TMEM150C: variants seen among roughly 807,000 people sequenced by gnomAD.
TMEM150C encodes transmembrane protein 150C.
A neutral mutation model predicts 29.9 loss-of-function variants in TMEM150C; 10 were observed. The ratio of observed to expected loss-of-function variants is 0.33; its 90% CI spans 0.21 to 0.57. TMEM150C has a LOEUF of 0.57. TMEM150C is among the 20% of genes least tolerant of loss of function. The pLI is 0.88. For missense variants in TMEM150C, 251 were observed against 303.6 expected (o/e 0.83, Z 1.29); for synonymous variants, 101 against 112.5 (o/e 0.90, Z 0.64).
chr4:82,488,112 C>T (rs900210622), intron 7 of TMEM150C, among the ~76,000 whole-genome samples: 1 of 152,156 alleles, frequency 6.6e-6, no homozygotes, highest in African/African-American at 2.4e-5. Flanking sequence ...CCCTGAGTCC[C>T]CAAAGTCCAC....
chr4:82,512,397 T>G (rs1287047737), intron 1 of TMEM150C, among the ~76,000 whole-genome samples: 1 of 152,214 alleles, frequency 6.6e-6, no homozygotes, highest in Non-Finnish European at 1.5e-5. Flanking sequence ...TGTGAATAAA[T>G]TAAAAGTCAT....
chr4:82,492,898 A>ATATATGTG (rs1367287202), intron 6 of TMEM150C, among the ~76,000 whole-genome samples: 2 of 136,104 alleles, frequency 1.5e-5, no homozygotes, highest in African/African-American at 5.6e-5. Flanking sequence ...ATATATATAT[A>ATATATGTG]TGTATTTGAG....
At chr4:82,485,777 T>C in intron 7 of TMEM150C, 58 bp from the exon 8 acceptor site, 1 of 1,473,074 alleles carries the variant, frequency 6.8e-7, no homozygotes. Context: ...CTGGAATCTT[T>C]TCAGGGCAGA....
At chr4:82,493,600 T>C (rs1723442881) in intron 6 of TMEM150C, among the ~76,000 whole-genome samples, 1 of 152,182 alleles carries the variant, frequency 6.6e-6, no homozygotes, top group African/African-American at 2.4e-5. Flanking sequence ...CTTGGGGATT[T>C]TTCTAGGACT....
At chr4:82,534,563 G>A (rs1244014769) in intron 1 of TMEM150C, among the ~76,000 whole-genome samples, 2 of 152,206 alleles carry the variant, frequency 1.3e-5, no homozygotes, top group African/African-American at 4.8e-5. Flanking sequence ...TCAATTCTGT[G>A]CAGATTACTT....
intron 5 of TMEM150C, among the ~76,000 whole-genome samples, chr4:82,498,399 C>T (rs1441690495): frequency 6.6e-6 from 1 of 152,186 alleles, no homozygotes; most frequent in Non-Finnish European, 1.5e-5. Context: ...AAGCGATTCT[C>T]CTGCCTCAGC....
At chr4:82,504,707 C>A in intron 1 of TMEM150C, 40 bp from the exon 2 acceptor site, 1 of 1,511,692 alleles carries the variant, frequency 6.6e-7, no homozygotes, top group Non-Finnish European at 9.1e-7. Context: ...TAAGGCAAAA[C>A]ATTTACTTCA....
chr4:82,489,965 C>G, intron 7 of TMEM150C, 96 bp downstream of exon 7: 1 of 1,228,500 alleles, frequency 8.1e-7, no homozygotes, highest in Non-Finnish European at 1.1e-6. Context: ...CTGAGAAGAT[C>G]TGGCAGAATA....
chr4:82,487,612 T>G (rs945578722), intron 7 of TMEM150C, among the ~76,000 whole-genome samples: 1 of 152,202 alleles, frequency 6.6e-6, no homozygotes, highest in African/African-American at 2.4e-5. Flanking sequence ...GTTCATAAAG[T>G]ATTTATTAGG....
intron 1 of TMEM150C, among the ~76,000 whole-genome samples, chr4:82,505,478 T>C (rs1259042575): frequency 6.6e-6 from 1 of 152,238 alleles, no homozygotes; most frequent in African/African-American, 2.4e-5. Context: ...AACCTACTTT[T>C]AGTACTAATA....
At chr4:82,494,031 C>G (rs989849066) in intron 6 of TMEM150C, among the ~76,000 whole-genome samples, 65 of 152,156 alleles carry the variant, frequency 4.3e-4, no homozygotes, top group Admixed American at 9.8e-4. Context: ...GAGGGTAGGA[C>G]AAGAAATGGC....
intron 1 of TMEM150C, among the ~76,000 whole-genome samples, chr4:82,548,319 C>T (rs1029144715): frequency 1.3e-5 from 2 of 152,062 alleles, no homozygotes; most frequent in African/African-American, 2.4e-5. Flanking sequence ...ACATGTACCT[C>T]CTAAACAGCT....
chr4:82,551,537 A>C (rs1223414646), intron 1 of TMEM150C, among the ~76,000 whole-genome samples: 2 of 152,242 alleles, frequency 1.3e-5, no homozygotes, highest in African/African-American at 4.8e-5. Flanking sequence ...GCTATCTTAT[A>C]GTGTTCAGAC....
intron 1 of TMEM150C, among the ~76,000 whole-genome samples, chr4:82,518,360 C>G (rs888881306): frequency 6.6e-6 from 1 of 152,042 alleles, no homozygotes; most frequent in Non-Finnish European, 1.5e-5. Flanking sequence ...TGAGCTGCTC[C>G]GTGCCCTGGC....
chr4:82,561,581 G>GGGCT lies in TMEM150C; in HGVS notation c.-11+321_-11+324dup, dbSNP rs1240865618. Among the ~76,000 whole-genome samples the GGGCT allele has an allele frequency of 5.6e-4, 84 of 150,320 alleles. 1 individual carries two copies. Among genetic ancestry groups the GGGCT allele is most frequent in the African/African-American group, 1.6e-3 (68 of 41,278 alleles). On this transcript the variant is annotated intron_variant, in intron 1 of 7. Coordinates refer to ENST00000449862, the MANE Select transcript of TMEM150C (RefSeq NM_001080506.3). Reference sequence around the variant, plus strand: ...GGCCGGGGCCGGGGCCGCAGCGGGCGGGCTGGCTGGCGGCACTGCGGCGGC... The same window carrying GGGCT: ...GGCCGGGGCCGGGGCCGCAGCGGGCGGGCTGGCTGGCTGGCGGCACTGCGGCGGC...
intron 1 of TMEM150C, among the ~76,000 whole-genome samples, chr4:82,545,629 T>C (rs1312156624): frequency 1.3e-5 from 2 of 152,146 alleles, no homozygotes. Context: ...AATCTATACT[T>C]AGAAAATCCT....
chr4:82,510,909 G>A (rs1724101757), intron 1 of TMEM150C, among the ~76,000 whole-genome samples: 1 of 152,196 alleles, frequency 6.6e-6, no homozygotes. Flanking sequence ...ATGGGCAAGT[G>A]TGAAGGGCTT....
At chr4:82,553,537 C>T (rs1725647429) in intron 1 of TMEM150C, among the ~76,000 whole-genome samples, 1 of 152,200 alleles carries the variant, frequency 6.6e-6, no homozygotes, top group African/African-American at 2.4e-5. Context: ...TTTTCTGGCT[C>T]TGAGACACTG....
intron 6 of TMEM150C, chr4:82,495,556 G>T: frequency 2.8e-6 from 1 of 352,874 alleles, no homozygotes; most frequent in South Asian, 2.6e-5. Context: ...TAACAAAGTT[G>T]AGAATGCTCA....
Sources: allele counts gnomAD v4.1 joint callset (sites outside exome capture counted in the v4.1 genomes callset), GRCh38; gene constraint gnomAD v4.1.1; transcripts MANE v1.5; gene names NCBI Gene and HGNC (gene_info 2026-07-23, HGNC 2026-07-21).